The following UMODL1 variants were observed in gnomAD, a reference collection of about 807,000 sequenced individuals.
UMODL1 encodes uromodulin-like 1.
In UMODL1, 128 loss-of-function variants were observed where a neutral mutation model predicts 136.3. That is an observed-to-expected ratio of 0.94 (90% CI 0.81 to 1.09). The LOEUF (loss-of-function observed/expected upper bound fraction) is 1.09. UMODL1 is among the 50% of genes least tolerant of loss of function. UMODL1 has a pLI of 0.00. For synonymous variants in UMODL1, 721 were observed against 720.0 expected (o/e 1.00, Z -0.02); for missense variants, 1,766 against 1,725.6 (o/e 1.02, Z -0.41).
At position 42,099,574 on chromosome 21, in the gene UMODL1, G is replaced by A. The variant is rs569659349; in HGVS notation, c.1186+394G>A. Among the ~76,000 whole-genome samples the A allele has an allele frequency of 2.6e-4, 39 of 152,326 alleles. No homozygotes were observed. Among genetic ancestry groups the A allele is most frequent in the African/African-American group, 4.6e-4 (19 of 41,576 alleles). On this transcript the variant is annotated intron_variant, in intron 7 of 22. Coordinates refer to ENST00000408910, the MANE Select transcript of UMODL1 (RefSeq NM_001004416.3). The surrounding 1 kb of genome is among the most constrained non-coding windows in gnomAD (Gnocchi z 4.1). Reference sequence around the variant, plus strand: ...CCGCTTACCCAGCAGCACTGAGGCCGTCTAAGTTCCCTCCCCGAGAGGGGA... The same window carrying A: ...CCGCTTACCCAGCAGCACTGAGGCCATCTAAGTTCCCTCCCCGAGAGGGGA...
At chr21:42,070,567 G>A (rs1021395577), upstream of UMODL1, among the ~76,000 whole-genome samples, 8 of 152,164 alleles carry the variant, frequency 5.3e-5, no homozygotes, top group East Asian at 1.9e-4. Flanking sequence ...AATTGCATGC[G>A]TTGCTGTTTT....
chr21:42,127,965 C>A, intron 20 of UMODL1, 134 bp downstream of exon 20: 2 of 1,125,578 alleles, frequency 1.8e-6, no homozygotes, highest in Non-Finnish European at 2.6e-6. Context: ...CTGTGCCTGT[C>A]CTGCAGACTC....
chr21:42,121,927 G>A (rs537928584), intron 16 of UMODL1, among the ~76,000 whole-genome samples: 1 of 152,282 alleles, frequency 6.6e-6, no homozygotes, highest in African/African-American at 2.4e-5. Context: ...TGGGTGCCGT[G>A]GTGAGAACAG....
intron 11 of UMODL1, 175 bp downstream of exon 11, chr21:42,111,296 A>G (rs1302016472): frequency 2.8e-6 from 4 of 1,404,976 alleles, no homozygotes; most frequent in Non-Finnish European, 3.8e-6. Flanking sequence ...CAGCCAGCGG[A>G]GCACCAGCCA....
At position 42,116,004 on chromosome 21, in the gene UMODL1, C is replaced by A; in HGVS notation, c.2475+19C>A. On this transcript the variant is annotated intron_variant, in intron 14 of 22. Transcript: ENST00000408910. ...CAGGATGGTGAGTTGGTGATATCAG[C>A]CCTTAATTCCTTTCAGGAGGGAAAG... 6.3e-7 allele frequency: 1 copy of A among 1,587,574 alleles called. No individual in the cohort carries two copies. Among genetic ancestry groups the A allele is most frequent in the Non-Finnish European group, 8.6e-7 (1 of 1,156,808 alleles).
chr21:42,071,676 C>G (rs1384775532), intron 1 of UMODL1, among the ~76,000 whole-genome samples: 2 of 151,956 alleles, frequency 1.3e-5, no homozygotes, highest in Non-Finnish European at 2.9e-5. Flanking sequence ...AGATTCTTAG[C>G]CAGCAGGTCT....
At chr21:42,072,067 A>AC (rs397749057) in intron 1 of UMODL1, among the ~76,000 whole-genome samples, 6 of 147,994 alleles carry the variant, frequency 4.1e-5, no homozygotes, top group African/African-American at 7.5e-5. Flanking sequence ...AAACAAACAA[A>AC]AAAAGCCACA....
chr21:42,111,999 C>T (rs933462628), intron 12 of UMODL1, among the ~76,000 whole-genome samples: 6 of 152,050 alleles, frequency 3.9e-5, no homozygotes, highest in African/African-American at 1.5e-4. Flanking sequence ...AGGCTTTGGG[C>T]CTTACTTGTC....
upstream of UMODL1, among the ~76,000 whole-genome samples, chr21:42,069,028 T>G (rs576724445): frequency 3.3e-5 from 5 of 152,318 alleles, no homozygotes; most frequent in South Asian, 1.0e-3. Flanking sequence ...GGATGGACTG[T>G]GGAAGACACA....
intron 6 of UMODL1, among the ~76,000 whole-genome samples, chr21:42,096,716 C>A (rs553047905): frequency 2.6e-5 from 4 of 152,148 alleles, no homozygotes; most frequent in Non-Finnish European, 5.9e-5. Context: ...GGCTGGGGGG[C>A]TGCTGTTATA....
intron 2 of UMODL1, among the ~76,000 whole-genome samples, chr21:42,081,167 A>T (rs963328267): frequency 2.0e-5 from 3 of 151,904 alleles, no homozygotes; most frequent in African/African-American, 7.3e-5. Flanking sequence ...GGACCAGGAG[A>T]CTCCCCAAAA....
chr21:42,069,693 C>T (rs1212945439), upstream of UMODL1, among the ~76,000 whole-genome samples: 2 of 152,140 alleles, frequency 1.3e-5, no homozygotes, highest in Non-Finnish European at 2.9e-5. Flanking sequence ...TGAGTTTTAA[C>T]CTGTAATATT....
intron 5 of UMODL1, among the ~76,000 whole-genome samples, chr21:42,089,530 C>T (rs2066465468): frequency 6.6e-6 from 1 of 152,202 alleles, no homozygotes. Flanking sequence ...CATGGAGAAC[C>T]ATGTGGTTTC....
In UMODL1 at chr21:42,111,479, G is replaced by C. The variant is rs548802761; in HGVS notation, c.1900-27G>C. On this transcript the variant is annotated intron_variant, in intron 11 of 22. Coordinates refer to ENST00000408910, the MANE Select transcript of UMODL1 (RefSeq NM_001004416.3). The stretch of plus-strand genomic sequence containing the variant: ...CCACAGCTTCCCTCCTGGGGCCACA[G>C]ATGGCCCACTGGCCCTCCCTGGACA... The C allele has an allele frequency of 2.1e-5, 34 of 1,613,896 alleles. No individual in the cohort carries two copies. In the East Asian group the frequency reaches 4.9e-4, roughly 23 times the overall value.
chr21:42,085,643 T>C lies in UMODL1; in HGVS notation c.603+231T>C, dbSNP rs979833562. On this transcript the variant is annotated intron_variant, in intron 4 of 22. Transcript: ENST00000408910. The surrounding 1 kb of genome is among the most constrained non-coding windows in gnomAD (Gnocchi z 4.5). The stretch of plus-strand genomic sequence containing the variant: ...CTGAAGCGTGTAGTTGGCTGAGTTG[T>C]TATGTGTGTACCCTCATAGGCCCGC... 6.6e-6 allele frequency among the ~76,000 whole-genome samples: 1 copy of C among 152,158 alleles called. No homozygotes were observed. Among genetic ancestry groups the C allele is most frequent in the African/African-American group, 2.4e-5 (1 of 41,422 alleles).
intron 9 of UMODL1, among the ~76,000 whole-genome samples, chr21:42,105,855 C>T (rs1033339930): frequency 6.6e-6 from 1 of 152,182 alleles, no homozygotes; most frequent in Non-Finnish European, 1.5e-5. Context: ...TTTGTGATGG[C>T]AGCCACAGGA....
chr21:42,084,231 C>T lies in UMODL1; in HGVS notation c.467C>T (p.Ala156Val), dbSNP rs753871407. 1.2e-6 allele frequency: 2 copies of T among 1,613,364 alleles called. No individual in the cohort carries two copies. The highest frequency in any genetic ancestry group is 1.7e-5 in the Admixed American group (1 of 59,990). Residue 156 changes from alanine (A) to valine (V), a missense_variant, in exon 3 of 23, where the codon GCC (alanine) becomes GTC (valine). Transcript: ENST00000408910. ...TGGTCAGGGGGGCGCTACTGCATGG[C>T]CCCTGCACCCCAAGGTAGGCTGCTG... ...CPWSGGRYCM[A>V]PAPQAPERDP...
At chr21:42,101,675 G>T (rs1213925389) in intron 7 of UMODL1, 3 of 454,152 alleles carry the variant, frequency 6.6e-6, no homozygotes, top group Non-Finnish European at 1.3e-5. Flanking sequence ...AACCTCCCTT[G>T]TAAGTAAGCA....
At chr21:42,076,457 A>G (rs1055681786) in intron 2 of UMODL1, among the ~76,000 whole-genome samples, 1 of 152,082 alleles carries the variant, frequency 6.6e-6, no homozygotes, top group African/African-American at 2.4e-5. Context: ...GAAGTACAAG[A>G]ATTTGCCCTC....
Sources: allele counts gnomAD v4.1 joint callset (sites outside exome capture counted in the v4.1 genomes callset), GRCh38; gene constraint gnomAD v4.1.1; non-coding constraint Gnocchi (gnomAD v3.1); transcripts MANE v1.5; gene names NCBI Gene and HGNC (gene_info 2026-07-23, HGNC 2026-07-21).